The following EBF1 variants were observed in gnomAD, a reference collection of about 807,000 sequenced individuals.
EBF1 encodes the protein transcription factor COE1.
Under a neutral mutation model 68.4 loss-of-function variants are expected in EBF1, and 10 were observed. The ratio of observed to expected loss-of-function variants is 0.15; its 90% CI spans 0.09 to 0.25. The LOEUF (loss-of-function observed/expected upper bound fraction) is 0.25. Among genes scored for constraint, EBF1 ranks in the 10% least tolerant of loss-of-function variants. EBF1 has a pLI of 1.00. For missense variants in EBF1, 509 were observed against 794.4 expected (o/e 0.64, Z 4.32); for synonymous variants, 298 against 299.8 (o/e 0.99, Z 0.06).
intron 6 of EBF1, among the ~76,000 whole-genome samples, chr5:159,015,718 A>C (rs969166023): frequency 6.6e-6 from 1 of 152,332 alleles, no homozygotes; most frequent in East Asian, 1.9e-4. Flanking sequence ...TTCTGTAAGC[A>C]CTGGGGACAG....
At chr5:158,873,350 A>G (rs1797234693) in intron 6 of EBF1, among the ~76,000 whole-genome samples, 2 of 152,172 alleles carry the variant, frequency 1.3e-5, no homozygotes, top group Admixed American at 1.3e-4. Context: ...CTTTGACTCT[A>G]TAGAATACAC....
intron 6 of EBF1, among the ~76,000 whole-genome samples, chr5:158,902,209 A>T (rs1191611321): frequency 6.6e-6 from 1 of 150,828 alleles, no homozygotes; most frequent in Non-Finnish European, 1.5e-5. Flanking sequence ...GCTGTCGAGA[A>T]GGAGAGGAAA....
intron 11 of EBF1, among the ~76,000 whole-genome samples, chr5:158,715,156 G>GT (rs1333489512): frequency 6.6e-6 from 1 of 152,198 alleles, no homozygotes. Context: ...AGAACCAAAC[G>GT]TAAGGGTGTG....
At chr5:158,969,959 T>C (rs780569482) in intron 6 of EBF1, among the ~76,000 whole-genome samples, 1 of 145,392 alleles carries the variant, frequency 6.9e-6, no homozygotes, top group Non-Finnish European at 1.5e-5. Context: ...AAACTTCAAA[T>C]GCCTACAATG....
intron 9 of EBF1, among the ~76,000 whole-genome samples, chr5:158,779,778 A>C (rs1256433775): frequency 6.6e-6 from 1 of 152,206 alleles, no homozygotes; most frequent in Non-Finnish European, 1.5e-5. Flanking sequence ...TATACCGAGG[A>C]ACAAAATTCA....
chr5:158,907,901 C>G (rs935493797), intron 6 of EBF1, among the ~76,000 whole-genome samples: 1 of 151,848 alleles, frequency 6.6e-6, no homozygotes, highest in Non-Finnish European at 1.5e-5. Context: ...AAACTGCTCC[C>G]GACACCACTA....
intron 6 of EBF1, among the ~76,000 whole-genome samples, chr5:159,040,724 T>C (rs1022532707): frequency 6.6e-6 from 1 of 152,248 alleles, no homozygotes; most frequent in Non-Finnish European, 1.5e-5. Flanking sequence ...GTAAAATGTT[T>C]TATTTTAACA....
At chr5:158,756,767 A>C (rs563876092) in intron 10 of EBF1, among the ~76,000 whole-genome samples, 1 of 151,966 alleles carries the variant, frequency 6.6e-6, no homozygotes, top group East Asian at 1.9e-4. Flanking sequence ...AAGAGGGCAA[A>C]TTCAAACTGG....
chr5:158,972,571 AG>A (rs1561671902), intron 6 of EBF1, among the ~76,000 whole-genome samples: 1 of 152,226 alleles, frequency 6.6e-6, no homozygotes, highest in African/African-American at 2.4e-5. Flanking sequence ...GAATACCCAA[AG>A]CCTGTTGTTG....
chr5:158,811,435 C>A (rs377114337), intron 8 of EBF1, among the ~76,000 whole-genome samples: 1 of 152,140 alleles, frequency 6.6e-6, no homozygotes, highest in African/African-American at 2.4e-5. Flanking sequence ...GGTGAGGACC[C>A]CTGTGTCAAC....
At chr5:158,993,398 C>CTGGT (rs1760773688) in intron 6 of EBF1, among the ~76,000 whole-genome samples, 1 of 152,040 alleles carries the variant, frequency 6.6e-6, no homozygotes, top group Non-Finnish European at 1.5e-5. Context: ...AAAGAGGTCT[C>CTGGT]TGGTTGGTAT....
intron 4 of EBF1, among the ~76,000 whole-genome samples, chr5:159,095,210 C>A (rs1782372072): frequency 6.6e-6 from 1 of 152,204 alleles, no homozygotes; most frequent in Admixed American, 6.5e-5. Context: ...CACCCCTCCT[C>A]CGCCCCCTCA....
intron 11 of EBF1, among the ~76,000 whole-genome samples, chr5:158,721,593 T>C (rs1336643083): frequency 1.4e-4 from 21 of 152,296 alleles, no homozygotes; most frequent in Non-Finnish European, 1.5e-5. Flanking sequence ...CGCTGCCTAT[T>C]AGACCAGGTA....
intron 6 of EBF1, among the ~76,000 whole-genome samples, chr5:158,889,210 A>G (rs929482135): frequency 6.6e-6 from 1 of 152,190 alleles, no homozygotes; most frequent in Non-Finnish European, 1.5e-5. Context: ...TAAGCATTCA[A>G]CAAGTACTTG....
At chr5:158,919,226 T>C (rs1406388876) in intron 6 of EBF1, among the ~76,000 whole-genome samples, 1 of 150,158 alleles carries the variant, frequency 6.7e-6, no homozygotes, top group Non-Finnish European at 1.5e-5. Flanking sequence ...GGTCTTAGGA[T>C]GAAATTAAGA....
chr5:158,920,169 G>A (rs373289922), intron 6 of EBF1, among the ~76,000 whole-genome samples: 2 of 150,990 alleles, frequency 1.3e-5, no homozygotes, highest in Non-Finnish European at 3.0e-5. Flanking sequence ...GTGTGTGTGT[G>A]TATGTGTGTG....
chr5:158,778,938 CTTCT>C (rs762127306), intron 9 of EBF1, among the ~76,000 whole-genome samples: 2 of 152,090 alleles, frequency 1.3e-5, no homozygotes, highest in Non-Finnish European at 2.9e-5. Flanking sequence ...TTTTATTCCG[CTTCT>C]TTGTCTTTTT....
At chr5:158,897,765 C>T (rs1802458222) in intron 6 of EBF1, among the ~76,000 whole-genome samples, 1 of 152,150 alleles carries the variant, frequency 6.6e-6, no homozygotes, top group Non-Finnish European at 1.5e-5. Context: ...GTGCCACTGC[C>T]CCCACAGCTG....
chr5:158,855,858 C>T (rs1254970216), intron 6 of EBF1, among the ~76,000 whole-genome samples: 1 of 152,204 alleles, frequency 6.6e-6, no homozygotes, highest in Non-Finnish European at 1.5e-5. Context: ...TAAGGACCCA[C>T]CTGCTGAAAC....
Sources: gnomAD v4.1 joint callset for allele counts (sites outside exome capture counted in the v4.1 genomes callset) on GRCh38, gnomAD v4.1.1 for gene constraint, MANE v1.5 for transcripts, NCBI Gene and HGNC (gene_info 2026-07-23, HGNC 2026-07-21) for gene names.